MAST2: variants seen among roughly 807,000 people sequenced by gnomAD.
MAST2 encodes microtubule associated serine/threonine kinase 2.
A neutral mutation model predicts 147.4 loss-of-function variants in MAST2; 70 were observed. The ratio of observed to expected loss-of-function variants is 0.47; its 90% confidence interval spans 0.39 to 0.58. The LOEUF is 0.58. Ranked by LOEUF, MAST2 falls within the 20% of genes least tolerant of loss-of-function variation. The probability of loss-of-function intolerance (pLI) is 0.00; values close to 1 mark genes in which losing one functional copy is unlikely to be tolerated. For missense variants in MAST2, 2,080 were observed against 2,302.3 expected, an observed-to-expected ratio of 0.90 and a Z score of 1.98; for synonymous variants, 869 against 896.8, an observed-to-expected ratio of 0.97 and a Z score of 0.55.
intron 1 of MAST2, among the ~76,000 whole-genome samples, chr1:45,811,263 T>C (rs1422508436): frequency 6.8e-6 from 1 of 147,354 alleles, no homozygotes; most frequent in Non-Finnish European, 1.5e-5. Flanking sequence ...CCCTGTGGGG[T>C]TCAAGCAATT....
At chr1:45,922,640 C>T (rs1007140028) in intron 4 of MAST2, among the ~76,000 whole-genome samples, 2 of 152,186 alleles carry the variant, frequency 1.3e-5, no homozygotes, top group Non-Finnish European at 2.9e-5. Context: ...GCGGACGATT[C>T]TGAGCCTGCG....
At chr1:46,029,608 G>A in intron 19 of MAST2, 41 bp downstream of exon 19, 3 of 1,584,554 alleles carry the variant, frequency 1.9e-6, no homozygotes, top group Non-Finnish European at 1.7e-6. Context: ...ACTTGGAAAA[G>A]GGGTAAGGGA....
chr1:45,978,384 C>T (rs1030028930), intron 5 of MAST2, among the ~76,000 whole-genome samples: 14 of 152,062 alleles, frequency 9.2e-5, no homozygotes, highest in South Asian at 6.2e-4. Flanking sequence ...GGCATGGTGG[C>T]GCACACCTGT....
At chr1:45,991,361 T>G (rs530481919) in intron 5 of MAST2, among the ~76,000 whole-genome samples, 14 of 152,176 alleles carry the variant, frequency 9.2e-5, no homozygotes, top group Non-Finnish European at 1.8e-4. Flanking sequence ...GTATTGGTTG[T>G]TTAGGTTATT....
At chr1:45,986,007 T>C (rs1450482314) in intron 5 of MAST2, among the ~76,000 whole-genome samples, 1 of 152,242 alleles carries the variant, frequency 6.6e-6, no homozygotes, top group African/African-American at 2.4e-5. Flanking sequence ...TTTCTGGAGA[T>C]ACTCCTGTTG....
At chr1:45,821,709 G>C (rs982227694) in intron 1 of MAST2, among the ~76,000 whole-genome samples, 5 of 150,960 alleles carry the variant, frequency 3.3e-5, no homozygotes, top group African/African-American at 1.2e-4. Context: ...ATTAGAGACG[G>C]GGTTTCACCA....
At chr1:45,924,678 A>C (rs1654076088) in intron 4 of MAST2, among the ~76,000 whole-genome samples, 6 of 152,228 alleles carry the variant, frequency 3.9e-5, no homozygotes, top group Admixed American at 3.9e-4. Context: ...TGTTCTACTA[A>C]AATTTGTATA....
intron 4 of MAST2, among the ~76,000 whole-genome samples, chr1:45,903,931 T>A (rs982598462): frequency 2.6e-5 from 4 of 152,230 alleles, no homozygotes; most frequent in East Asian, 3.8e-4. Flanking sequence ...GGCTAAGTTT[T>A]TGCTAATTTG....
intron 1 of MAST2, among the ~76,000 whole-genome samples, chr1:45,811,150 C>T (rs572279653): frequency 3.9e-4 from 58 of 148,414 alleles, no homozygotes; most frequent in Admixed American, 1.3e-3. Context: ...CGTGCCTAGC[C>T]GAGAGCAGTA....
chr1:46,023,944 A>G lies in MAST2; in HGVS notation c.1744A>G (p.Lys582Glu). The change falls in exon 15 of 29, where the codon AAG (lysine) becomes GAG (glutamate). Residue 582 changes from lysine (K) to glutamate (E), a missense_variant. By Grantham distance (56) the Lys-to-Glu change is moderately conservative. Transcript: ENST00000361297. This position sits in a 1 kb window ranked among gnomAD's most constrained non-coding sequence, Gnocchi z 4.9. ...CAGCATGTTCTGCTCCTTTGATACC[A>G]AGCGCCACTTGTGCATGGTGATGGA... ...VVSMFCSFDTKRHLCMVMEYV... is the reference protein window; with the variant it reads ...VVSMFCSFDTERHLCMVMEYV... 2 of 1,614,166 alleles carry G rather than the reference A, an allele frequency of 1.2e-6. No homozygotes were observed. The highest frequency in any genetic ancestry group is 1.7e-6 in the Non-Finnish European group (2 of 1,180,026).
At position 46,022,967 on chromosome 1, in the gene MAST2, T is replaced by C; in HGVS notation, c.1481T>C (p.Ile494Thr). 1 of 1,614,090 alleles carries C rather than the reference T, an allele frequency of 6.2e-7. No homozygotes were observed. The change falls in exon 13 of 29, where the codon ATT becomes ACT. Residue 494 changes from isoleucine to threonine, a missense_variant. Transcript: ENST00000361297. ...SPDTPETDDS[I>T]EGHGASLPSK... ...GACACTCCAGAGACAGATGATTCTA[T>C]TGAGGTAAAAACCCTGAGCTCCTAC...
chr1:45,843,880 T>C (rs908727695), intron 3 of MAST2, among the ~76,000 whole-genome samples: 7 of 152,206 alleles, frequency 4.6e-5, no homozygotes, highest in African/African-American at 1.2e-4. Flanking sequence ...ATTGGCAGTC[T>C]TAGCTTACTC....
chr1:45,925,017 T>C (rs1226781854), intron 4 of MAST2, among the ~76,000 whole-genome samples: 2 of 152,240 alleles, frequency 1.3e-5, no homozygotes, highest in African/African-American at 4.8e-5. Context: ...TGGTTATGTA[T>C]GGCAACCCTA....
chr1:45,879,963 CAT>C (rs1557861548), intron 3 of MAST2, among the ~76,000 whole-genome samples: 1 of 152,064 alleles, frequency 6.6e-6, no homozygotes, highest in African/African-American at 2.4e-5. Flanking sequence ...GTGAACATAA[CAT>C]GTATTAGCTA....
In MAST2 at chr1:46,022,078, A is replaced by G. The variant is rs1646209446; in HGVS notation, c.1419A>G (p.Leu473=). The change falls in exon 12 of 29, where the codon CTA becomes CTG. Residue 473 remains leucine (L), a synonymous_variant. Coordinates refer to ENST00000361297, the MANE Select transcript of MAST2 (RefSeq NM_015112.3). The part of the protein sequence containing the change: ...VSQLGLTRDP[L]EEMAQLSSCD... ...AGCTGGGCCTCACCCGGGATCCCCT[A>G]GAAGGTGAGCATGCTGCCTAGTGGC... 1 of 1,614,060 alleles carries G rather than the reference A, an allele frequency of 6.2e-7. No homozygotes were observed. The highest frequency in any genetic ancestry group is 8.5e-7 in the Non-Finnish European group (1 of 1,179,950).
At position 46,023,496 on chromosome 1, in the gene MAST2, C is replaced by G. The variant is rs1424299068; in HGVS notation, c.1571+178C>G. On this transcript the variant is annotated intron_variant, in intron 14 of 28. Coordinates refer to ENST00000361297, the MANE Select transcript of MAST2 (RefSeq NM_015112.3). This position sits in a 1 kb window ranked among gnomAD's most constrained non-coding sequence, Gnocchi z 4.9. The stretch of plus-strand genomic sequence containing the variant: ...ATTCCTCTGACATCCGATCATTGTT[C>G]CTTTCCCAGACAAGATTCCCACGCC... 39 of 644,094 alleles carry G rather than the reference C, an allele frequency of 6.1e-5. 2 individuals are homozygous for G. Among genetic ancestry groups the G allele is most frequent in the Middle Eastern group, 8.5e-4 (2 of 2,348 alleles). The allele number at this position is 644,094 out of a possible 1,614,324, so 39.9% of individuals were successfully genotyped here.
At chr1:45,989,447 C>T (rs570022593) in intron 5 of MAST2, among the ~76,000 whole-genome samples, 137 of 152,324 alleles carry the variant, frequency 9.0e-4, no homozygotes, top group Non-Finnish European at 1.7e-3. Flanking sequence ...TACGTCAGCA[C>T]TTTTCCCTTC....
chr1:46,025,634 G>C (rs1646375981), intron 15 of MAST2, 43 bp from the exon 16 acceptor site: 1 of 1,612,474 alleles, frequency 6.2e-7, no homozygotes, highest in Admixed American at 1.7e-5. Context: ...AGCTAGAGCA[G>C]GGAACTGAAT....
At chr1:46,025,041 G>A (rs370875906) in intron 15 of MAST2, among the ~76,000 whole-genome samples, 9 of 152,198 alleles carry the variant, frequency 5.9e-5, no homozygotes, top group Admixed American at 1.3e-4. Flanking sequence ...CAGATGGGCC[G>A]GACGTGGTGG....
Sources: gnomAD v4.1 joint callset for allele counts (sites outside exome capture counted in the v4.1 genomes callset) on GRCh38, gnomAD v4.1.1 for gene constraint, Gnocchi (gnomAD v3.1) non-coding constraint, MANE v1.5 for transcripts, NCBI Gene and HGNC (gene_info 2026-07-23, HGNC 2026-07-21) for gene names.